Variants in TTN observed in about 807,000 individuals in gnomAD.
TTN encodes the protein titin.
TTN carries 1,525 observed loss-of-function variants against 3,223.0 expected under a neutral mutation model. That is an observed-to-expected ratio of 0.47 (90% CI 0.45 to 0.49). TTN has a LOEUF of 0.49. TTN is among the 20% of genes least tolerant of loss of function. The pLI is 0.00. For synonymous variants in TTN, 14,094 were observed against 15,161.0 expected, an observed-to-expected ratio of 0.93 and a Z score of 5.17; for missense variants, 40,786 against 43,424.0, an observed-to-expected ratio of 0.94 and a Z score of 5.40.
chr2:178,635,833 T>G, intron 226 of TTN, 118 bp from the exon 227 acceptor site: 1 of 1,507,620 alleles, frequency 6.6e-7, no homozygotes, highest in African/African-American at 1.4e-5. Flanking sequence ...ATTAATCCAC[T>G]GTAGGATATA....
Position 178,576,269 on chromosome 2 carries a change from A to C in TTN, c.69863T>G (p.Ile23288Arg). ...EHQKVGDEAWIKDTTGTALRI... is the reference protein window; with the variant it reads ...EHQKVGDEAWRKDTTGTALRI... ...GAGGGCGGTTCCTGTGGTATCTTTT[A>C]TCCAGGCCTCGTCTCCTACTTTTTG... Residue 23288 changes from isoleucine (I) to arginine (R), a missense_variant, in exon 326 of 363, where the codon ATA becomes AGA. By Grantham distance (97) the Ile-to-Arg change is moderately conservative (BLOSUM62 -3). Coordinates refer to ENST00000589042, the MANE Select transcript of TTN (RefSeq NM_001267550.2). This position sits in a 1 kb window ranked among gnomAD's most constrained non-coding sequence, Gnocchi z 4.3. The C allele has an allele frequency of 6.2e-7, 1 of 1,609,224 alleles. No individual in the cohort carries two copies. Among genetic ancestry groups the C allele is most frequent in the Non-Finnish European group, 8.5e-7 (1 of 1,178,010 alleles).
Position 178,569,877 on chromosome 2 carries a change from T to G in TTN, c.76255A>C (p.Arg25419=). 6.2e-7 allele frequency: 1 copy of G among 1,613,482 alleles called. No homozygotes were observed. Among genetic ancestry groups the G allele is most frequent in the South Asian group, 1.1e-5 (1 of 91,062 alleles). Residue 25419 remains arginine (R), a synonymous_variant, in exon 326 of 363, where the codon AGA becomes CGA. Coordinates refer to ENST00000589042, the MANE Select transcript of TTN (RefSeq NM_001267550.2). ...CTCCAAGAAAGGAATACTGAAGATC[T>G]GGTTATGTCTATGACTTTGGGGTTG... ...PNNPKVIDIT[R]SSVFLSWSKP...
rs1161167916 is a variant in TTN at position 178,535,137 on chromosome 2, C to A, written c.101478G>T (p.Gly33826=). ...YEKYMIAEDL[G]RGEFGIVHRC... is the part of the protein sequence containing the mutation. ...GATGGACAATTCCAAACTCACCACG[C>A]CCAAGATCTTCAGCAATCATATATT... The change falls in exon 358 of 363, where the codon GGG becomes GGT. Residue 33826 remains glycine, a synonymous_variant. Transcript: ENST00000589042. 1.2e-6 allele frequency: 2 copies of A among 1,613,806 alleles called. No individual in the cohort carries two copies. The highest frequency in any genetic ancestry group is 4.5e-5 in the East Asian group (2 of 44,874).
At position 178,556,940 on chromosome 2, in the gene TTN, T is replaced by A. The variant is rs777999009; in HGVS notation, c.88214A>T (p.Gln29405Leu). ...FIISGLTQNS[Q>L]YEFRVFARNA... The stretch of plus-strand genomic sequence containing the variant: ...CCTAGCAAAGACACGGAATTCATAC[T>A]GGGAATTCTGAGTCAAGCCAGAGAT... The change falls in exon 330 of 363, where the codon CAG becomes CTG. Residue 29405 changes from glutamine (Q) to leucine (L), a missense_variant. Physicochemically the swap from Gln to Leu is moderately radical, Grantham distance 113 (BLOSUM62 -2). Coordinates refer to ENST00000589042, the MANE Select transcript of TTN (RefSeq NM_001267550.2). The A allele has an allele frequency of 6.2e-7, 1 of 1,613,846 alleles. No individual in the cohort carries two copies. The highest frequency in any genetic ancestry group is 1.3e-5 in the African/African-American group (1 of 75,052).
intron 22 of TTN, 82 bp downstream of exon 22, chr2:178,779,918 C>T: frequency 7.0e-7 from 1 of 1,433,296 alleles, no homozygotes. Flanking sequence ...CCGAGCTCAT[C>T]ACTTGAAAAT....
Position 178,740,109 on chromosome 2 carries a change from C to T in TTN, c.13124G>A (p.Arg4375Lys). The change falls in exon 48 of 363, where the codon AGG (arginine) becomes AAG (lysine). Residue 4375 changes from arginine to lysine, a missense_variant. Physicochemically the swap from Arg to Lys is conservative, Grantham distance 26. Coordinates refer to ENST00000589042, the MANE Select transcript of TTN (RefSeq NM_001267550.2). ...AIKKVQEVQGRDLLSKESLLS... is the reference protein window; with the variant it reads ...AIKKVQEVQGKDLLSKESLLS... ...CAAGCTTTCCTTAGAAAGAAGGTCC[C>T]TTCCCTGTACCTCCTGCACTTTCTT... 6.2e-7 allele frequency: 1 copy of T among 1,613,854 alleles called. No homozygotes were observed. The highest frequency in any genetic ancestry group is 8.5e-7 in the Non-Finnish European group (1 of 1,179,842).
chr2:178,740,044 T>A lies in TTN; in HGVS notation c.13189A>T (p.Ile4397Phe). ...IPEEQRLNLK[I>F]QICRALQAAV... ...GCTTGCAAAGCCCGGCAGATTTGAA[T>A]TTTCAGGTTTAATCTCTGCTCTTCT... The change falls in exon 48 of 363, where the codon ATT (isoleucine) becomes TTT (phenylalanine). Residue 4397 changes from isoleucine (I) to phenylalanine (F), a missense_variant. Physicochemically the swap from Ile to Phe is conservative, Grantham distance 21. Coordinates refer to ENST00000589042, the MANE Select transcript of TTN (RefSeq NM_001267550.2). The A allele has an allele frequency of 6.2e-7, 1 of 1,613,846 alleles. No homozygotes were observed. Among genetic ancestry groups the A allele is most frequent in the Non-Finnish European group, 8.5e-7 (1 of 1,179,828 alleles).
intron 346 of TTN, 50 bp from the exon 347 acceptor site, chr2:178,543,712 T>A: frequency 1.3e-6 from 2 of 1,522,976 alleles, no homozygotes; most frequent in Non-Finnish European, 1.8e-6. Flanking sequence ...TGATAGCTTT[T>A]TTTTTCTTGG....
In TTN at chr2:178,712,339, A is replaced by G. The variant is rs762899501; in HGVS notation, c.27583T>C (p.Cys9195Arg). 4.3e-6 allele frequency: 7 copies of G among 1,613,638 alleles called. No homozygotes were observed. In the East Asian group the frequency reaches 1.3e-4, roughly 31 times the overall value. The change falls in exon 95 of 363, where the codon TGT (cysteine) becomes CGT (arginine). Residue 9195 changes from cysteine to arginine, a missense_variant. Transcript: ENST00000589042. ...CCTAGTATGAGTATTTGTGCTGAAC[A>G]GGAATCTTTTCCAGAGGCATTTTCA... ...YIENASGKDS[C>R]SAQILILEPP...
chr2:178,584,354 T>C lies in TTN; in HGVS notation c.65197A>G (p.Arg21733Gly). 6.2e-7 allele frequency: 1 copy of C among 1,612,922 alleles called. No individual in the cohort carries two copies. Among genetic ancestry groups the C allele is most frequent in the Non-Finnish European group, 8.5e-7 (1 of 1,179,208 alleles). Residue 21733 changes from arginine (R) to glycine (G), a missense_variant, in exon 311 of 363, where the codon AGA becomes GGA. Transcript: ENST00000589042. ...CCAGCTTTGTTTAGGGCATAGATTCTGAATGAATACTCAAGACCTTCTACA... is the reference window on the plus strand; with the variant it reads ...CCAGCTTTGTTTAGGGCATAGATTCCGAATGAATACTCAAGACCTTCTACA... ...GLVEGLEYSFRIYALNKAGSS... is the reference protein window; with the variant it reads ...GLVEGLEYSFGIYALNKAGSS...
At chr2:178,653,176 A>G in intron 198 of TTN, 52 bp from the exon 199 acceptor site, 2 of 1,611,602 alleles carry the variant, frequency 1.2e-6, no homozygotes, top group Non-Finnish European at 1.7e-6. Flanking sequence ...GACCACTGGA[A>G]CAAAATGTCT....
chr2:178,720,349 G>A, intron 80 of TTN, 36 bp downstream of exon 80: 3 of 1,593,716 alleles, frequency 1.9e-6, no homozygotes, highest in Non-Finnish European at 2.6e-6. Context: ...CAGATAGGAG[G>A]AAGGGGCATA....
chr2:178,582,662 T>C (rs531408069), intron 313 of TTN, 70 bp from the exon 314 acceptor site: 1 of 1,397,294 alleles, frequency 7.2e-7, no homozygotes, highest in East Asian at 2.4e-5. Flanking sequence ...TCTGGAGACC[T>C]GGGCTGCAGT....
In TTN at chr2:178,553,090, C is replaced by A; in HGVS notation, c.89810G>T (p.Cys29937Phe). The change falls in exon 335 of 363, where the codon TGC becomes TTC. Residue 29937 changes from cysteine to phenylalanine, a missense_variant. Cys to Phe is a radical substitution (Grantham distance 205). Coordinates refer to ENST00000589042, the MANE Select transcript of TTN (RefSeq NM_001267550.2). Reference protein sequence around the residue: ...SVKVLDTPAACQKLQVKHVSR... With the variant: ...SVKVLDTPAAFQKLQVKHVSR... ...AACATGTTTAACCTGTAGTTTCTGG[C>A]AGGCAGCTGGTGTGTCAAGCACTTT... The A allele has an allele frequency of 6.2e-7, 1 of 1,611,004 alleles. No homozygotes were observed. The highest frequency in any genetic ancestry group is 8.5e-7 in the Non-Finnish European group (1 of 1,177,824).
intron 256 of TTN, 47 bp downstream of exon 256, chr2:178,616,682 G>GT (rs1364475436): frequency 4.3e-6 from 7 of 1,611,648 alleles, no homozygotes; most frequent in Non-Finnish European, 5.9e-6. Flanking sequence ...ACTAATATTT[G>GT]TTAATACTGC....
Position 178,604,275 on chromosome 2 carries a change from C to G in TTN, c.54412G>C (p.Glu18138Gln). The change falls in exon 282 of 363, where the codon GAG (glutamate) becomes CAG (glutamine). Residue 18138 changes from glutamate (E) to glutamine (Q), a missense_variant. By Grantham distance (29) the Glu-to-Gln change is conservative. Transcript: ENST00000589042. ...IWKLIPNGQY[E>Q]FRVRAVNKYG... ...TTATTCACTGCCCTGACTCGGAACT[C>G]ATACTGACCATTGGGGATAAGTTTC... 6.6e-7 allele frequency: 1 copy of G among 1,520,174 alleles called. No homozygotes were observed. The highest frequency in any genetic ancestry group is 8.8e-7 in the Non-Finnish European group (1 of 1,133,108). The allele number at this position is 1,520,174 out of a possible 1,614,324, so 94.2% of individuals were successfully genotyped here.
chr2:178,559,440 T>A lies in TTN; in HGVS notation c.86692A>T (p.Asn28898Tyr). 1.2e-6 allele frequency: 2 copies of A among 1,613,782 alleles called. No individual in the cohort carries two copies. Among genetic ancestry groups the A allele is most frequent in the Non-Finnish European group, 1.7e-6 (2 of 1,179,730 alleles). ...SKKAWVSVTN[N>Y]CNRLSYKVTN... is the part of the protein sequence containing the mutation. ...ACTTTGTAGGAGAGGCGGTTACAGT[T>A]GTTGGTCACAGAGACCCATGCTTTC... Residue 28898 changes from asparagine (N) to tyrosine (Y), a missense_variant, in exon 326 of 363, where the codon AAC (asparagine) becomes TAC (tyrosine). By Grantham distance (143) the Asn-to-Tyr change is moderately radical. Transcript: ENST00000589042.
rs2154265252 is a variant in TTN at position 178,672,435 on chromosome 2, A to G, written c.34902T>C (p.Pro11634=). ...KKVPEKKVLV[P]KKEAVPPAKG... Reference sequence around the variant, plus strand: ...TAGCTGGGGGAACAGCTTCCTTTTTAGGCACAAGGACTTTCTTTTCTGGGA... The same window carrying G: ...TAGCTGGGGGAACAGCTTCCTTTTTGGGCACAAGGACTTTCTTTTCTGGGA... The change falls in exon 154 of 363, where the codon CCT becomes CCC. Residue 11634 remains proline (P), a synonymous_variant. Transcript: ENST00000589042. The G allele has an allele frequency of 1.9e-6, 3 of 1,598,680 alleles. No homozygotes were observed. Among genetic ancestry groups the G allele is most frequent in the East Asian group, 4.5e-5 (2 of 44,788 alleles).
chr2:178,576,389 T>C lies in TTN; in HGVS notation c.69743A>G (p.His23248Arg). ...AGATTTCTTGGTAGTATCAGTGACA[T>C]GCGGATTTGAAGGTGGTCCTGGAGG... ...AYPPGPPSNP[H>R]VTDTTKKSAS... The change falls in exon 326 of 363, where the codon CAT becomes CGT. Residue 23248 changes from histidine to arginine, a missense_variant. Transcript: ENST00000589042. The surrounding 1 kb of genome is among the most constrained non-coding windows in gnomAD (Gnocchi z 4.3). The C allele has an allele frequency of 6.4e-7, 1 of 1,564,920 alleles. No individual in the cohort carries two copies. Among genetic ancestry groups the C allele is most frequent in the South Asian group, 1.2e-5 (1 of 81,938 alleles).
Sources: allele counts gnomAD v4.1 joint callset, GRCh38; gene constraint gnomAD v4.1.1; non-coding constraint Gnocchi (gnomAD v3.1); transcripts MANE v1.5; gene names NCBI Gene and HGNC (gene_info 2026-07-23, HGNC 2026-07-21).